The following IL17D variants were observed in gnomAD, a reference collection of about 807,000 sequenced individuals.
IL17D encodes interleukin 17D.
A neutral mutation model predicts 5.7 loss-of-function variants in IL17D; 10 were observed. The ratio of observed to expected loss-of-function variants is 1.75; its 90% CI spans 1.08 to 2.97. The LOEUF is 2.97. IL17D is among the 30% of genes most tolerant of loss of function. The pLI is 0.00. For missense variants in IL17D, 354 were observed against 292.7 expected, an observed-to-expected ratio of 1.21 and a Z score of -1.53; for synonymous variants, 172 against 141.7, an observed-to-expected ratio of 1.21 and a Z score of -1.52.
chr13:20,715,754 A>AT (rs1414172037), intron 1 of IL17D, among the ~76,000 whole-genome samples: 1 of 151,348 alleles, frequency 6.6e-6, no homozygotes, highest in Non-Finnish European at 1.5e-5. Flanking sequence ...TTTTGTTTTT[A>AT]TTTTTTTGAG....
At chr13:20,701,836 T>G (rs1350668911), upstream of IL17D, 1 of 152,214 alleles carries the variant, frequency 6.6e-6, no homozygotes, top group African/African-American at 2.4e-5. Flanking sequence ...AGGTGAGCAT[T>G]TTCAGTCATT....
chr13:20,715,105 G>A (rs868406286), intron 1 of IL17D, among the ~76,000 whole-genome samples: 5 of 152,190 alleles, frequency 3.3e-5, no homozygotes, highest in South Asian at 2.1e-4. Flanking sequence ...GTGAGAGATC[G>A]GAAGGCTAAC....
chr13:20,719,139 C>T (rs1227725344), intron 1 of IL17D, among the ~76,000 whole-genome samples: 3 of 147,712 alleles, frequency 2.0e-5, no homozygotes, highest in Admixed American at 6.7e-5. Flanking sequence ...ATCCACACAC[C>T]TATCCACACT....
chr13:20,714,840 G>A (rs1296667273), intron 1 of IL17D, among the ~76,000 whole-genome samples: 1 of 152,154 alleles, frequency 6.6e-6, no homozygotes, highest in Non-Finnish European at 1.5e-5. Context: ...GAAGATCTTT[G>A]GCTCCCTGGG....
In IL17D at chr13:20,721,824, A is replaced by G. The variant is rs769664993; in HGVS notation, c.479A>G (p.Tyr160Cys). 2.5e-6 allele frequency: 4 copies of G among 1,610,414 alleles called. No homozygotes were observed. The Admixed American group carries it at 6.7e-5, about 27-fold the overall frequency. ...GGCCGTTCCGTCTACACCGAGGCCT[A>G]CGTCACCATCCCCGTGGGCTGCACC... is the stretch of plus-strand genomic sequence containing the variant. ...AGGRSVYTEA[Y>C]VTIPVGCTCV... The change falls in exon 2 of 2, where the codon TAC becomes TGC. Residue 160 changes from tyrosine (Y) to cysteine (C), a missense_variant. Transcript: ENST00000682841.
intron 1 of IL17D, among the ~76,000 whole-genome samples, chr13:20,711,916 A>G (rs1041475051): frequency 2.6e-5 from 4 of 152,248 alleles, no homozygotes; most frequent in African/African-American, 9.6e-5. Context: ...GGCGGCTCTC[A>G]GTGTACCTAA....
chr13:20,717,541 A>G (rs759200932), intron 1 of IL17D, among the ~76,000 whole-genome samples: 1 of 151,974 alleles, frequency 6.6e-6, no homozygotes, highest in Non-Finnish European at 1.5e-5. Flanking sequence ...TTCTCTCATG[A>G]CCTCTTTCCC....
upstream of IL17D, chr13:20,701,616 A>G (rs2058548662): frequency 6.6e-6 from 1 of 152,028 alleles, no homozygotes; most frequent in Non-Finnish European, 1.5e-5. Context: ...CACATTACAG[A>G]TATGTTGGTT....
At position 20,721,804 on chromosome 13, in the gene IL17D, T is replaced by C; in HGVS notation, c.459T>C (p.Arg153=). Residue 153 remains arginine (R), a synonymous_variant, in exon 2 of 2, where the codon CGT becomes CGC. Transcript: ENST00000682841. Reference sequence around the variant, plus strand: ...GCACCCCCGCCTGCGCCGGCGGCCGTTCCGTCTACACCGAGGCCTACGTCA... The same window carrying C: ...GCACCCCCGCCTGCGCCGGCGGCCGCTCCGTCTACACCGAGGCCTACGTCA... ...LRRTPACAGG[R]SVYTEAYVTI... is the part of the protein sequence containing the mutation. 1 of 1,609,928 alleles carries C rather than the reference T, an allele frequency of 6.2e-7. No homozygotes were observed. The highest frequency in any genetic ancestry group is 8.5e-7 in the Non-Finnish European group (1 of 1,179,712).
At chr13:20,720,874 A>ACCCCCC (rs67735251) in intron 1 of IL17D, among the ~76,000 whole-genome samples, 1 of 75,716 alleles carries the variant, frequency 1.3e-5, no homozygotes, top group Non-Finnish European at 2.5e-5. Flanking sequence ...CTCCCTCCCA[A>ACCCCCC]CCCCCCCCCC....
chr13:20,710,512 C>T (rs2058627096), intron 1 of IL17D, among the ~76,000 whole-genome samples: 1 of 148,656 alleles, frequency 6.7e-6, no homozygotes, highest in Admixed American at 6.7e-5. Flanking sequence ...GCCTGTAATC[C>T]CAGCTACTTG....
upstream of IL17D, chr13:20,703,294 T>C (rs2058558808): frequency 1.0e-6 from 1 of 986,342 alleles, no homozygotes; most frequent in African/African-American, 1.7e-5. Flanking sequence ...GAAAGCGCTT[T>C]CGGGGGAGAA....
At chr13:20,708,201 C>T (rs2058605201) in intron 1 of IL17D, among the ~76,000 whole-genome samples, 2 of 152,250 alleles carry the variant, frequency 1.3e-5, no homozygotes, top group Admixed American at 1.3e-4. Context: ...GCCCAAGCCA[C>T]CACGCCCTAA....
Position 20,721,695 on chromosome 13 carries a change from G to C in IL17D, c.350G>C (p.Arg117Pro). 1 of 1,611,068 alleles carries C rather than the reference G, an allele frequency of 6.2e-7. No homozygotes were observed. Among genetic ancestry groups the C allele is most frequent in the Non-Finnish European group, 8.5e-7 (1 of 1,179,028 alleles). ...RYLPEAYCLC[R>P]GCLTGLFGEE... ...CTGCCTGAAGCCTACTGCCTGTGCC[G>C]GGGCTGCCTGACCGGGCTGTTCGGC... Residue 117 changes from arginine (R) to proline (P), a missense_variant, in exon 2 of 2, where the codon CGG becomes CCG. By Grantham distance (103) the Arg-to-Pro change is moderately radical (BLOSUM62 -2). Coordinates refer to ENST00000682841, the MANE Select transcript of IL17D (RefSeq NM_001385224.1).
In IL17D at chr13:20,703,942, G is replaced by T. The variant is rs904107816; in HGVS notation, c.-60G>T. On this transcript the variant is annotated 5_prime_UTR_variant, in exon 1 of 2. Coordinates refer to ENST00000682841, the MANE Select transcript of IL17D (RefSeq NM_001385224.1). Reference sequence around the variant, plus strand: ...GCCGCGGGCGGGACACGGGCGCGGGGCGCAGGCGGGCTCCTCCGGCGCGTG... The same window carrying T: ...GCCGCGGGCGGGACACGGGCGCGGGTCGCAGGCGGGCTCCTCCGGCGCGTG... The T allele has an allele frequency of 5.3e-6, 5 of 936,930 alleles. No individual in the cohort carries two copies. In the African/African-American group the frequency reaches 9.0e-5, roughly 17 times the overall value. 58.0% of individuals were successfully genotyped at this position (936,930 alleles called of 1,614,324 possible).
chr13:20,709,875 G>A (rs1319629545), intron 1 of IL17D, among the ~76,000 whole-genome samples: 3 of 152,314 alleles, frequency 2.0e-5, no homozygotes, highest in South Asian at 2.1e-4. Context: ...GAAGGGCACC[G>A]TTTGCTCTTA....
At position 20,716,506 on chromosome 13, in the gene IL17D, G is replaced by A. The variant is rs555726516; in HGVS notation, c.291-5130G>A. On this transcript the variant is annotated intron_variant, in intron 1 of 1. Transcript: ENST00000682841. The surrounding 1 kb of genome is among the most constrained non-coding windows in gnomAD (Gnocchi z 4.2). Reference sequence around the variant, plus strand: ...AAAATGTCACATGATCAGTCCTGCCGTTAGGAAATTGTGGGAAGTGCTCAT... The same window carrying A: ...AAAATGTCACATGATCAGTCCTGCCATTAGGAAATTGTGGGAAGTGCTCAT... Among the ~76,000 whole-genome samples, 95 of 152,296 alleles carry A rather than the reference G, an allele frequency of 6.2e-4. No individual in the cohort carries two copies. Among genetic ancestry groups the A allele is most frequent in the Non-Finnish European group, 9.8e-4 (67 of 68,032 alleles).
intron 1 of IL17D, among the ~76,000 whole-genome samples, chr13:20,714,462 C>T (rs2058663543): frequency 6.6e-6 from 1 of 152,216 alleles, no homozygotes; most frequent in Non-Finnish European, 1.5e-5. Context: ...AGACTTTGGA[C>T]AAGTCCGCTA....
chr13:20,701,569 G>C (rs550799124), upstream of IL17D: 4 of 152,352 alleles, frequency 2.6e-5, no homozygotes, highest in African/African-American at 9.6e-5. Flanking sequence ...ACCAGGGGAT[G>C]AGGGACTGGA....
Sources: allele counts gnomAD v4.1 joint callset (sites outside exome capture counted in the v4.1 genomes callset), GRCh38; gene constraint gnomAD v4.1.1; non-coding constraint Gnocchi (gnomAD v3.1); transcripts MANE v1.5; gene names NCBI Gene and HGNC (gene_info 2026-07-23, HGNC 2026-07-21).